Variants in ABAT observed in about 807,000 individuals in gnomAD.
ABAT encodes 4-aminobutyrate aminotransferase, mitochondrial.
A neutral mutation model predicts 64.6 loss-of-function variants in ABAT; 45 were observed. The observed-to-expected ratio is 0.70, with a 90% CI of 0.55 to 0.89. The LOEUF (loss-of-function observed/expected upper bound fraction) is 0.89, where lower values mean the gene tolerates loss of function less well. ABAT is among the 40% of genes least tolerant of loss of function. The probability of loss-of-function intolerance (pLI) is 0.00; values close to 1 mark genes in which losing one functional copy is unlikely to be tolerated. For missense variants in ABAT, 633 were observed against 658.4 expected, an observed-to-expected ratio of 0.96 and a Z score of 0.42; for synonymous variants, 297 against 250.5, an observed-to-expected ratio of 1.19 and a Z score of -1.75.
intron 1 of ABAT, among the ~76,000 whole-genome samples, chr16:8,680,567 T>C (rs187613776): frequency 2.2e-4 from 33 of 152,150 alleles, no homozygotes; most frequent in Admixed American, 4.6e-4. Flanking sequence ...GGATTACATG[T>C]GTGGGCCACA....
intron 1 of ABAT, among the ~76,000 whole-genome samples, chr16:8,699,475 T>G (rs774934231): frequency 6.6e-6 from 1 of 152,092 alleles, no homozygotes; most frequent in Non-Finnish European, 1.5e-5. Context: ...GGAGAATCAC[T>G]TGAACCTGGG....
At chr16:8,748,055 A>G (rs1413855918) in intron 3 of ABAT, 53 bp from the exon 4 acceptor site, 3 of 1,566,638 alleles carry the variant, frequency 1.9e-6, no homozygotes, top group African/African-American at 2.7e-5. Flanking sequence ...ATTTTAAGCT[A>G]TTTTGGCAAG....
intron 1 of ABAT, among the ~76,000 whole-genome samples, chr16:8,682,535 A>C (rs921571771): frequency 6.6e-6 from 1 of 152,142 alleles, no homozygotes; most frequent in African/African-American, 2.4e-5. Context: ...ATTATGATTT[A>C]GTAGAATCAC....
rs746589996 is a variant in ABAT, at chr16:8,764,828, C to T, written c.538C>T (p.Arg180Trp). The change falls in exon 8 of 16, where the codon CGG (arginine) becomes TGG (tryptophan). Residue 180 changes from arginine to tryptophan, a missense_variant and splice_region_variant. Arg to Trp is a moderately radical substitution (Grantham distance 101). Transcript: ENST00000268251. This position sits in a 1 kb window ranked among gnomAD's most constrained non-coding sequence, Gnocchi z 4.2. ...NALKTIFMWY[R>W]SKERGQRGFS... The stretch of plus-strand genomic sequence containing the variant: ...CTTAAAGACCATCTTCATGTGGTAC[C>T]GGGTGAGGTTTGGGGCACACACACA... 5 of 1,611,228 alleles carry T rather than the reference C, an allele frequency of 3.1e-6. No homozygotes were observed. The highest frequency in any genetic ancestry group is 1.7e-5 in the Admixed American group (1 of 59,804).
intron 1 of ABAT, among the ~76,000 whole-genome samples, chr16:8,717,083 A>T (rs2058235432): frequency 6.6e-6 from 1 of 152,198 alleles, no homozygotes; most frequent in African/African-American, 2.4e-5. Context: ...TGAGGTCAGG[A>T]GTTTGAGACC....
At chr16:8,686,010 G>A (rs1176405842) in intron 1 of ABAT, among the ~76,000 whole-genome samples, 2 of 152,182 alleles carry the variant, frequency 1.3e-5, no homozygotes, top group Non-Finnish European at 2.9e-5. Context: ...CAATCCCAGG[G>A]GCAGATTGCT....
At chr16:8,702,923 G>A (rs2057857831) in intron 1 of ABAT, among the ~76,000 whole-genome samples, 1 of 152,100 alleles carries the variant, frequency 6.6e-6, no homozygotes. Flanking sequence ...ATGGAGGCAG[G>A]AAAGTGGGCA....
intron 11 of ABAT, among the ~76,000 whole-genome samples, chr16:8,769,214 A>T (rs1235823109): frequency 6.6e-6 from 1 of 152,176 alleles, no homozygotes; most frequent in Non-Finnish European, 1.5e-5. Flanking sequence ...TTTCTGTATC[A>T]CTTAAGTTTC....
intron 1 of ABAT, chr16:8,722,742 A>G: frequency 8.7e-7 from 1 of 1,152,584 alleles, no homozygotes; most frequent in East Asian, 5.9e-5. Context: ...CTAACCAGGA[A>G]TCCTTCACCT....
chr16:8,777,202 C>G (rs1166972347), intron 14 of ABAT, among the ~76,000 whole-genome samples: 1 of 152,108 alleles, frequency 6.6e-6, no homozygotes. Flanking sequence ...CGTGCCCGGC[C>G]CTGGTTATCT....
chr16:8,751,730 A>T (rs958041424), intron 5 of ABAT, among the ~76,000 whole-genome samples: 1 of 152,086 alleles, frequency 6.6e-6, no homozygotes, highest in Non-Finnish European at 1.5e-5. Context: ...TTATCAATCA[A>T]CACACACAGC....
At chr16:8,769,007 AC>A in intron 11 of ABAT, 34 bp downstream of exon 11, 1 of 1,613,050 alleles carries the variant, frequency 6.2e-7, no homozygotes, top group Non-Finnish European at 8.5e-7. Flanking sequence ...CTCCCCAACC[AC>A]CAGTCCTGTT....
intron 1 of ABAT, among the ~76,000 whole-genome samples, chr16:8,689,815 T>C (rs2057539686): frequency 6.6e-6 from 1 of 152,180 alleles, no homozygotes; most frequent in Non-Finnish European, 1.5e-5. Flanking sequence ...GTAGAAGCCT[T>C]CCCAGGACAA....
intron 13 of ABAT, among the ~76,000 whole-genome samples, 169 bp downstream of exon 13, chr16:8,775,226 C>T (rs964001062): frequency 6.6e-6 from 1 of 152,084 alleles, no homozygotes; most frequent in East Asian, 1.9e-4. Context: ...GCCCTCCCAG[C>T]TCTCTCTGTA....
intron 1 of ABAT, among the ~76,000 whole-genome samples, chr16:8,710,540 C>T (rs528269663): frequency 1.3e-5 from 2 of 152,048 alleles, no homozygotes; most frequent in Admixed American, 6.6e-5. Flanking sequence ...AGTTCATAAC[C>T]AACCTAGGCA....
intron 14 of ABAT, among the ~76,000 whole-genome samples, chr16:8,778,564 C>G (rs1007009522): frequency 5.9e-5 from 9 of 152,036 alleles, no homozygotes. Flanking sequence ...CACTTGAGGT[C>G]AGGAGTTCGA....
At chr16:8,676,063 C>T (rs1017830095) in intron 1 of ABAT, among the ~76,000 whole-genome samples, 3 of 151,940 alleles carry the variant, frequency 2.0e-5, no homozygotes, top group African/African-American at 7.3e-5. Flanking sequence ...GGGAAGAGCT[C>T]TTCTCTGGTG....
intron 1 of ABAT, among the ~76,000 whole-genome samples, chr16:8,677,345 G>A (rs1429086770): frequency 6.6e-6 from 1 of 152,242 alleles, no homozygotes; most frequent in Non-Finnish European, 1.5e-5. Context: ...ACAAGGGGAT[G>A]TCTTCCTAGA....
At chr16:8,714,626 G>A (rs1177934619) in intron 1 of ABAT, 4 of 152,518 alleles carry the variant, frequency 2.6e-5, no homozygotes, top group African/African-American at 7.2e-5. Context: ...TGGCGCTGAA[G>A]ATCCTGCAGT....
Sources: gnomAD v4.1 joint callset for allele counts (sites outside exome capture counted in the v4.1 genomes callset) on GRCh38, gnomAD v4.1.1 for gene constraint, Gnocchi (gnomAD v3.1) non-coding constraint, MANE v1.5 for transcripts, NCBI Gene and HGNC (gene_info 2026-07-23, HGNC 2026-07-21) for gene names.